FER1L5: variants seen among roughly 807,000 people sequenced by gnomAD.
FER1L5 encodes the protein fer-1 like family member 5, also known as fer-1-like protein 5.
In FER1L5, 187 loss-of-function variants were observed where a neutral mutation model predicts 279.9. That is an observed-to-expected ratio of 0.67 (90% CI 0.59 to 0.75). The LOEUF is 0.75. Ranked by LOEUF, FER1L5 falls within the 30% of genes least tolerant of loss-of-function variation. The probability of loss-of-function intolerance (pLI) is 0.00; values close to 1 mark genes in which losing one functional copy is unlikely to be tolerated. For missense variants in FER1L5, 2,091 were observed against 2,594.4 expected, an observed-to-expected ratio of 0.81 and a Z score of 4.21; for synonymous variants, 921 against 989.7, an observed-to-expected ratio of 0.93 and a Z score of 1.30.
intron 7 of FER1L5, chr2:96,652,224 G>A: frequency 1.5e-6 from 1 of 663,916 alleles, no homozygotes; most frequent in Non-Finnish European, 2.5e-6. Context: ...GTGGGCTGGT[G>A]GGGGCACAAC....
At position 96,668,922 on chromosome 2, in the gene FER1L5, C is replaced by A. The variant is rs2076223723; in HGVS notation, c.1221C>A (p.Ala407=). 2.6e-6 allele frequency: 4 copies of A among 1,551,524 alleles called. No homozygotes were observed. The highest frequency in any genetic ancestry group is 2.6e-6 in the Non-Finnish European group (3 of 1,146,988). ...ACTGCCCGGATGAGATTGGGACTGCCAGCCTGTCCCTCAACCAGATCTCGT... is the reference window on the plus strand; with the variant it reads ...ACTGCCCGGATGAGATTGGGACTGCAAGCCTGTCCCTCAACCAGATCTCGT... ...KKDCPDEIGT[A]SLSLNQISST... is the part of the protein sequence containing the mutation. Residue 407 remains alanine (A), a synonymous_variant, in exon 16 of 53, where the codon GCC becomes GCA. Transcript: ENST00000624922.
Position 96,689,644 on chromosome 2 carries a change from G to T in FER1L5, c.2526G>T (p.Arg842Ser), listed in dbSNP as rs1283346601. ...QDSWTVEPQR[R>S]LLLDIDINKS... ...GAACTTGGGGTCTCATTACCCCCAG[G>T]CTCCTCCTGGACATAGACATCAACA... is the stretch of plus-strand genomic sequence containing the variant. The change falls in exon 26 of 53, where the codon AGG becomes AGT. Residue 842 changes from arginine to serine, a missense_variant and splice_region_variant. Arg to Ser is a moderately radical substitution (Grantham distance 110). Transcript: ENST00000624922. The surrounding 1 kb of genome is among the most constrained non-coding windows in gnomAD (Gnocchi z 4.6). 7.1e-6 allele frequency: 11 copies of T among 1,550,854 alleles called. No homozygotes were observed. Among genetic ancestry groups the T allele is most frequent in the Non-Finnish European group, 9.6e-6 (11 of 1,146,738 alleles).
At chr2:96,683,937 G>T (rs945161139) in intron 19 of FER1L5, among the ~76,000 whole-genome samples, 5 of 151,924 alleles carry the variant, frequency 3.3e-5, no homozygotes, top group African/African-American at 1.2e-4. Flanking sequence ...CCCTGCCCCC[G>T]TCCCACCCAG....
rs1424561670 is a variant in FER1L5, at chr2:96,668,932, C to T, written c.1231C>T (p.Leu411Phe). 5 of 1,551,592 alleles carry T rather than the reference C, an allele frequency of 3.2e-6. No homozygotes were observed. In the East Asian group the frequency reaches 7.3e-5, roughly 23 times the overall value. Residue 411 changes from leucine to phenylalanine, a missense_variant, in exon 16 of 53, where the codon CTC (leucine) becomes TTC (phenylalanine). Physicochemically the swap from Leu to Phe is conservative, Grantham distance 22. Coordinates refer to ENST00000624922, the MANE Select transcript of FER1L5 (RefSeq NM_001293083.2). Reference sequence around the variant, plus strand: ...TGAGATTGGGACTGCCAGCCTGTCCCTCAACCAGATCTCGTCCACCGGAGA... The same window carrying T: ...TGAGATTGGGACTGCCAGCCTGTCCTTCAACCAGATCTCGTCCACCGGAGA... ...PDEIGTASLSLNQISSTGEEI... is the reference protein window; with the variant it reads ...PDEIGTASLSFNQISSTGEEI...
chr2:96,704,610 T>A lies in FER1L5; in HGVS notation c.6092T>A (p.Ile2031Lys). 6.2e-7 allele frequency: 1 copy of A among 1,613,944 alleles called. No individual in the cohort carries two copies. The highest frequency in any genetic ancestry group is 2.2e-5 in the East Asian group (1 of 44,884). ...PTQDPNLKPT[I>K]DHEWKLHPGP... ...CAGGATCCAAACCTAAAGCCTACAA[T>A]AGACCATGAGTGGAAACTCCACCCA... The change falls in exon 53 of 53, where the codon ATA (isoleucine) becomes AAA (lysine). Residue 2031 changes from isoleucine (I) to lysine (K), a missense_variant. Coordinates refer to ENST00000624922, the MANE Select transcript of FER1L5 (RefSeq NM_001293083.2).
chr2:96,678,572 A>G (rs1310477267), intron 19 of FER1L5, among the ~76,000 whole-genome samples: 1 of 152,038 alleles, frequency 6.6e-6, no homozygotes, highest in African/African-American at 2.4e-5. Context: ...AGCTGGGACT[A>G]CAGGCACGCA....
At chr2:96,693,794 C>G (rs962592237) in intron 32 of FER1L5, 107 bp downstream of exon 32, 2 of 1,475,534 alleles carry the variant, frequency 1.4e-6, no homozygotes, top group Non-Finnish European at 1.8e-6. Flanking sequence ...TGAGGCCTGA[C>G]GTGCAGACAG....
Position 96,665,304 on chromosome 2 carries a change from C to T in FER1L5, c.1140+1797C>T, listed in dbSNP as rs561983295. Reference sequence around the variant, plus strand: ...AATACAAAATTAGCTAATGCGCTCCCCTTCTCCCTCCTGTGAACTCCCCTC... The same window carrying T: ...AATACAAAATTAGCTAATGCGCTCCTCTTCTCCCTCCTGTGAACTCCCCTC... On this transcript the variant is annotated intron_variant, in intron 14 of 52. Coordinates refer to ENST00000624922, the MANE Select transcript of FER1L5 (RefSeq NM_001293083.2). Among the ~76,000 whole-genome samples, 13 of 152,316 alleles carry T rather than the reference C, an allele frequency of 8.5e-5. No individual in the cohort carries two copies. In the South Asian group the frequency reaches 2.7e-3, roughly 32 times the overall value.
chr2:96,700,276 G>C (rs2077542577), intron 44 of FER1L5, 56 bp from the exon 45 acceptor site: 1 of 1,604,440 alleles, frequency 6.2e-7, no homozygotes, highest in East Asian at 2.2e-5. Flanking sequence ...GCCTACCTAG[G>C]AGATAGGAAG....
rs763273392 is a variant in FER1L5, at chr2:96,695,909, G to A, written c.4057+5G>A. 1.3e-5 allele frequency: 21 copies of A among 1,612,996 alleles called. No homozygotes were observed. The highest frequency in any genetic ancestry group is 8.3e-5 in the Admixed American group (5 of 59,900). On this transcript the variant is annotated splice_donor_5th_base_variant and intron_variant, in intron 36 of 52. Coordinates refer to ENST00000624922, the MANE Select transcript of FER1L5 (RefSeq NM_001293083.2). ...ATATGCACCCAAAGCTTCCAAGTAC[G>A]GCCCTTCCTCCGTGCCTTTCCCCAG...
Position 96,694,255 on chromosome 2 carries a change from C to T in FER1L5, c.3637-105C>T. ...CCTAAGTCCCCCTGCCAGCCCCTAC[C>T]CATGGGGCTCTGGGCTCGGTGAGGC... On this transcript the variant is annotated intron_variant, in intron 33 of 52. Transcript: ENST00000624922. This position sits in a 1 kb window ranked among gnomAD's most constrained non-coding sequence, Gnocchi z 4.6. 7.6e-7 allele frequency: 1 copy of T among 1,309,288 alleles called. No individual in the cohort carries two copies. Among genetic ancestry groups the T allele is most frequent in the Non-Finnish European group, 1.0e-6 (1 of 973,278 alleles). The allele number at this position is 1,309,288 out of a possible 1,614,324, so 81.1% of individuals were successfully genotyped here.
chr2:96,646,651 G>A (rs1270865683), intron 2 of FER1L5, among the ~76,000 whole-genome samples, 198 bp downstream of exon 2: 2 of 152,156 alleles, frequency 1.3e-5, no homozygotes, highest in Admixed American at 1.3e-4. Flanking sequence ...GCCCACGACT[G>A]TTCGTGGCCC....
Position 96,647,055 on chromosome 2 carries a change from C to A in FER1L5, c.139-9C>A, listed in dbSNP as rs1018169246. The A allele has an allele frequency of 1.7e-5, 27 of 1,551,254 alleles. No individual in the cohort carries two copies. The African/African-American group carries it at 3.4e-4, about 20-fold the overall frequency. ...AGGGAGGATGCTGACCTCTCTATGCCCCCCACAGACCCTAATCTGGCACCT... is the reference window on the plus strand; with the variant it reads ...AGGGAGGATGCTGACCTCTCTATGCACCCCACAGACCCTAATCTGGCACCT... On this transcript the variant is annotated splice_polypyrimidine_tract_variant and intron_variant, in intron 2 of 52. Transcript: ENST00000624922.
intron 8 of FER1L5, 71 bp from the exon 9 acceptor site, chr2:96,654,375 A>G (rs1466406733): frequency 1.0e-5 from 4 of 398,198 alleles, no homozygotes; most frequent in Non-Finnish European, 1.8e-5. Context: ...TGCCTTTGCT[A>G]TACCTCTTAC....
intron 4 of FER1L5, among the ~76,000 whole-genome samples, chr2:96,648,445 A>C (rs542293337): frequency 1.3e-5 from 2 of 152,376 alleles, no homozygotes; most frequent in South Asian, 4.1e-4. Flanking sequence ...AAAGAAGGGA[A>C]GGCTGCAGAT....
intron 6 of FER1L5, among the ~76,000 whole-genome samples, chr2:96,651,233 CTTTCTCTT>C (rs1388022176): frequency 1.3e-4 from 20 of 150,114 alleles, no homozygotes; most frequent in African/African-American, 2.7e-4. Context: ...TTCTTTCTTT[CTTTCTCTT>C]TCTTTCTTTC....
intron 18 of FER1L5, among the ~76,000 whole-genome samples, chr2:96,671,506 T>C (rs1403451634): frequency 6.6e-6 from 1 of 152,152 alleles, no homozygotes; most frequent in African/African-American, 2.4e-5. Context: ...CAAGGTGGGC[T>C]CTCTAAAGAA....
At chr2:96,665,905 C>A (rs2076110356) in intron 14 of FER1L5, among the ~76,000 whole-genome samples, 1 of 152,030 alleles carries the variant, frequency 6.6e-6, no homozygotes, top group Admixed American at 6.6e-5. Flanking sequence ...TTCTTACAGG[C>A]TCAGAACCAA....
rs1384340280 is a variant in FER1L5, at chr2:96,689,622, C to G, written c.2526-22C>G. Reference sequence around the variant, plus strand: ...GCTGCTTGGGGAGTTGTGCTGGGAACTTGGGGTCTCATTACCCCCAGGCTC... The same window carrying G: ...GCTGCTTGGGGAGTTGTGCTGGGAAGTTGGGGTCTCATTACCCCCAGGCTC... On this transcript the variant is annotated intron_variant, in intron 25 of 52. Coordinates refer to ENST00000624922, the MANE Select transcript of FER1L5 (RefSeq NM_001293083.2). This position sits in a 1 kb window ranked among gnomAD's most constrained non-coding sequence, Gnocchi z 4.6. 16 of 1,545,974 alleles carry G rather than the reference C, an allele frequency of 1.0e-5. No homozygotes were observed. Among genetic ancestry groups the G allele is most frequent in the Non-Finnish European group, 1.4e-5 (16 of 1,142,530 alleles).
Sources: allele counts gnomAD v4.1 joint callset (sites outside exome capture counted in the v4.1 genomes callset), GRCh38; gene constraint gnomAD v4.1.1; non-coding constraint Gnocchi (gnomAD v3.1); transcripts MANE v1.5; gene names NCBI Gene and HGNC (gene_info 2026-07-23, HGNC 2026-07-21).